Variants in SHANK2 observed in about 807,000 individuals in gnomAD.
The protein encoded by SHANK2 is SH3 and multiple ankyrin repeat domains 2.
A neutral mutation model predicts 133.7 loss-of-function variants in SHANK2; 43 were observed. The observed-to-expected ratio is 0.32, with a 90% CI of 0.25 to 0.41. The LOEUF (loss-of-function observed/expected upper bound fraction) is 0.41. Ranked by LOEUF, SHANK2 falls within the 10% of genes least tolerant of loss-of-function variation. SHANK2 has a pLI of 1.00. For synonymous variants in SHANK2, 1,017 were observed against 952.8 expected (o/e 1.07, Z -1.24); for missense variants, 1,994 against 2,235.8 (o/e 0.89, Z 2.18).
intron 17 of SHANK2, among the ~76,000 whole-genome samples, chr11:70,576,299 C>G (rs776062879): frequency 2.6e-5 from 4 of 152,130 alleles, no homozygotes; most frequent in African/African-American, 9.7e-5. Context: ...CTGCGGCAGA[C>G]CCCATGCACC....
chr11:70,718,147 G>T (rs1945984715), intron 14 of SHANK2, among the ~76,000 whole-genome samples: 1 of 152,220 alleles, frequency 6.6e-6, no homozygotes, highest in African/African-American at 2.4e-5. Flanking sequence ...CATGCCATTA[G>T]CAGGGAGAGG....
At chr11:71,194,516 G>A (rs1953858622) in intron 2 of SHANK2, among the ~76,000 whole-genome samples, 1 of 152,176 alleles carries the variant, frequency 6.6e-6, no homozygotes, top group Non-Finnish European at 1.5e-5. Context: ...GTTAACAGCT[G>A]GATCCAAAGA....
At chr11:70,854,752 C>T (rs996999428) in intron 11 of SHANK2, among the ~76,000 whole-genome samples, 6 of 152,200 alleles carry the variant, frequency 3.9e-5, no homozygotes, top group African/African-American at 1.4e-4. Context: ...GGGAGAAACA[C>T]CCACAGCTGG....
chr11:70,698,931 T>G (rs144591959), intron 14 of SHANK2, among the ~76,000 whole-genome samples, 168 bp from the exon 15 acceptor site: 264 of 152,224 alleles, frequency 1.7e-3, no homozygotes, highest in Non-Finnish European at 2.7e-3. Flanking sequence ...GGGGCTCAAC[T>G]TTGTGAAATT....
At chr11:70,559,975 G>A (rs916361644) in intron 17 of SHANK2, among the ~76,000 whole-genome samples, 5 of 152,090 alleles carry the variant, frequency 3.3e-5, no homozygotes, top group African/African-American at 9.7e-5. Flanking sequence ...GGGTTCAAGT[G>A]ATTCTCCTGC....
At position 70,502,741 on chromosome 11, in the gene SHANK2, A is replaced by AG. The variant is rs1198006390; in HGVS notation, c.2197+54_2197+55insC. The stretch of plus-strand genomic sequence containing the variant: ...CCCCCCAGCTGTCCTGCCCGCCCCC[A>AG]CCCCCCCCCCCCAGTAGGGCCCCAG... On this transcript the variant is annotated intron_variant, in intron 18 of 25. Transcript: ENST00000601538. 30 of 386,390 alleles carry AG rather than the reference A, an allele frequency of 7.8e-5. 1 individual carries two copies. The East Asian group carries it at 2.3e-3, about 29-fold the overall frequency. 23.9% of individuals were successfully genotyped at this position (386,390 alleles called of 1,614,324 possible). A position where few individuals can be genotyped will look rare whatever the true frequency, so the allele number is the denominator to read the frequency against.
chr11:70,955,331 T>G (rs1287196503), intron 10 of SHANK2, among the ~76,000 whole-genome samples: 5 of 151,766 alleles, frequency 3.3e-5, no homozygotes, highest in Admixed American at 1.3e-4. Flanking sequence ...GGAAGTCCCT[T>G]TCAGAATGCA....
intron 14 of SHANK2, among the ~76,000 whole-genome samples, chr11:70,710,780 C>T (rs1313735615): frequency 6.6e-6 from 1 of 152,176 alleles, no homozygotes; most frequent in Admixed American, 6.5e-5. Flanking sequence ...GACCCCTCCA[C>T]CGGAGCCCTG....
Position 71,223,333 on chromosome 11 carries a change from A to G in SHANK2, c.-13+1364T>C, listed in dbSNP as rs185127685. ...GAAGGTGAAGCAGAGATAAACGATC[A>G]GCACAGCAACAGCCTTCCATATGCG... On this transcript the variant is annotated intron_variant, in intron 2 of 25. Coordinates refer to ENST00000601538, the MANE Select transcript of SHANK2 (RefSeq NM_012309.5). Among the ~76,000 whole-genome samples the G allele has an allele frequency of 1.6e-3, 246 of 152,368 alleles. 1 individual carries two copies. Among genetic ancestry groups the G allele is most frequent in the African/African-American group, 5.8e-3 (240 of 41,586 alleles).
At chr11:70,665,354 T>C (rs1256578870) in intron 15 of SHANK2, among the ~76,000 whole-genome samples, 1 of 150,896 alleles carries the variant, frequency 6.6e-6, no homozygotes, top group African/African-American at 2.4e-5. Context: ...TTGCCCATGA[T>C]GGTCTTAAAC....
intron 15 of SHANK2, among the ~76,000 whole-genome samples, chr11:70,686,712 A>G (rs1555019722): frequency 1.3e-5 from 2 of 152,140 alleles, no homozygotes; most frequent in African/African-American, 4.8e-5. Context: ...TGAGTCAGGG[A>G]GGTCTGATTG....
intron 18 of SHANK2, 66 bp downstream of exon 18, chr11:70,502,730 T>TCCCCCCCC: frequency 2.6e-6 from 2 of 772,456 alleles, no homozygotes; most frequent in Non-Finnish European, 3.8e-6. Context: ...CCAGCTGTCC[T>TCCCCCCCC]GCCCGCCCCC....
intron 25 of SHANK2, among the ~76,000 whole-genome samples, chr11:70,477,909 G>A (rs924365642): frequency 6.6e-6 from 1 of 152,116 alleles, no homozygotes; most frequent in Non-Finnish European, 1.5e-5. Context: ...CTAAGCAACC[G>A]CTGGGTTCCC....
intron 21 of SHANK2, among the ~76,000 whole-genome samples, chr11:70,494,966 T>C (rs1030555485): frequency 9.9e-5 from 15 of 152,210 alleles, no homozygotes; most frequent in African/African-American, 2.7e-4. Flanking sequence ...TGATGCCTCC[T>C]TGGGGACCTT....
intron 2 of SHANK2, among the ~76,000 whole-genome samples, chr11:71,213,957 C>T (rs528731775): frequency 3.9e-4 from 60 of 152,240 alleles, no homozygotes; most frequent in Middle Eastern, 6.8e-3. Context: ...GCCAACCACC[C>T]CTTTTTCAAC....
At chr11:70,681,722 C>T (rs372208975) in intron 15 of SHANK2, among the ~76,000 whole-genome samples, 27 of 152,248 alleles carry the variant, frequency 1.8e-4, no homozygotes, top group South Asian at 6.2e-4. Context: ...GTTTGGGAGG[C>T]GACCCAAGCC....
At chr11:70,939,410 G>A (rs536401470) in intron 10 of SHANK2, among the ~76,000 whole-genome samples, 41 of 152,226 alleles carry the variant, frequency 2.7e-4, no homozygotes, top group Admixed American at 2.5e-3. Flanking sequence ...CCTGGGTGGC[G>A]GAGGTTGCAG....
chr11:70,573,018 C>T lies in SHANK2; in HGVS notation c.2062-70087G>A, dbSNP rs531389191. On this transcript the variant is annotated intron_variant, in intron 17 of 25. Transcript: ENST00000601538. Reference sequence around the variant, plus strand: ...AACGCCCATCGATCGTGACTGGTCACCAAATTGTGGGCCATCGACATGATG... The same window carrying T: ...AACGCCCATCGATCGTGACTGGTCATCAAATTGTGGGCCATCGACATGATG... 2.6e-5 allele frequency among the ~76,000 whole-genome samples: 4 copies of T among 152,284 alleles called. No individual in the cohort carries two copies. The South Asian group carries it at 8.3e-4, about 32-fold the overall frequency.
intron 20 of SHANK2, 132 bp downstream of exon 20, chr11:70,501,791 T>C: frequency 1.1e-6 from 1 of 881,466 alleles, no homozygotes; most frequent in Non-Finnish European, 1.8e-6. Context: ...CCCCGGAGGA[T>C]GGAGCCTTCT....
Sources: allele counts gnomAD v4.1 joint callset (sites outside exome capture counted in the v4.1 genomes callset), GRCh38; gene constraint gnomAD v4.1.1; transcripts MANE v1.5; gene names NCBI Gene and HGNC (gene_info 2026-07-23, HGNC 2026-07-21).